The following PDE4DIP variants were observed in gnomAD, a reference collection of about 807,000 sequenced individuals.
PDE4DIP encodes myomegalin.
Under a neutral mutation model 221.4 loss-of-function variants are expected in PDE4DIP, and 59 were observed. The observed-to-expected ratio is 0.27, with a 90% CI of 0.22 to 0.33. The LOEUF is 0.33. Ranked by LOEUF, PDE4DIP falls within the 10% of genes least tolerant of loss-of-function variation. The pLI is 1.00. For missense variants in PDE4DIP, 1,036 were observed against 2,154.2 expected (o/e 0.48, Z 10.28); for synonymous variants, 404 against 815.9 (o/e 0.50, Z 8.60).
chr1:148,822,623 G>A (rs1407354838), intron 1 of PDE4DIP, among the ~76,000 whole-genome samples: 1 of 148,086 alleles, frequency 6.8e-6, no homozygotes, highest in Non-Finnish European at 1.5e-5. Flanking sequence ...ACCTCTTCAT[G>A]AAGTTGCCTG....
chr1:148,967,574 A>G, intron 12 of PDE4DIP, 152 bp from the exon 16 acceptor site: 1 of 596,168 alleles, frequency 1.7e-6, no homozygotes, highest in Non-Finnish European at 2.9e-6. Flanking sequence ...CCAAAAAAAT[A>G]GATTAGTATG....
intron 21 of PDE4DIP, chr1:148,991,670 T>C (rs1350143934): frequency 3.2e-6 from 1 of 308,154 alleles, no homozygotes; most frequent in Admixed American, 6.5e-5. Context: ...TCAGCTTATG[T>C]TGTGAGGCTC....
chr1:149,015,838 C>T (rs587617083), intron 32 of PDE4DIP, among the ~76,000 whole-genome samples: 22 of 152,294 alleles, frequency 1.4e-4, no homozygotes, highest in African/African-American at 2.6e-4. Flanking sequence ...AAAACTCCAA[C>T]GTGGAACGGA....
chr1:149,029,347 G>A lies in PDE4DIP; in HGVS notation c.6814-440G>A, dbSNP rs74770064. Among the ~76,000 whole-genome samples, 12 of 152,318 alleles carry A rather than the reference G, an allele frequency of 7.9e-5. No homozygotes were observed. In the East Asian group the frequency reaches 2.3e-3, roughly 29 times the overall value. On this transcript the variant is annotated intron_variant, in intron 41 of 43. Transcript: ENST00000369354. ...CAACTATGCTAATTCCAGGGAGAGGGTGTTTTGCCATCTTCATGTTGGCAC... is the reference window on the plus strand; with the variant it reads ...CAACTATGCTAATTCCAGGGAGAGGATGTTTTGCCATCTTCATGTTGGCAC...
chr1:149,029,720 G>T, intron 41 of PDE4DIP, 67 bp from the exon 45 acceptor site: 1 of 783,042 alleles, frequency 1.3e-6, no homozygotes, highest in South Asian at 1.5e-5. Context: ...GAATTGGAAA[G>T]AGCCACAAAG....
chr1:149,029,805 G>T lies in PDE4DIP; in HGVS notation c.6832G>T (p.Glu2278Ter). 6.3e-7 allele frequency: 1 copy of T among 1,581,056 alleles called. No homozygotes were observed. The highest frequency in any genetic ancestry group is 8.7e-7 in the Non-Finnish European group (1 of 1,154,916). ...TATCCAGGGAGAATCAACAGAAAGGGAACTTCTGGAACTGAGAACCAAAGT... is the reference window on the plus strand; with the variant it reads ...TATCCAGGGAGAATCAACAGAAAGGTAACTTCTGGAACTGAGAACCAAAGT... Residue 2278 changes from glutamate (E) to a stop codon, truncating the protein, a stop_gained, in exon 42 of 44, where the codon GAA becomes TAA. Coordinates refer to ENST00000369354, the Ensembl canonical transcript of PDE4DIP. LOFTEE classifies it high-confidence loss of function.
chr1:148,986,752 G>C (rs1245483847), intron 21 of PDE4DIP, among the ~76,000 whole-genome samples: 1 of 152,178 alleles, frequency 6.6e-6, no homozygotes, highest in Non-Finnish European at 1.5e-5. Flanking sequence ...TGCTGTAGGA[G>C]AATAGCAGAA....
At chr1:148,933,795 T>G (rs1278859816) in intron 4 of PDE4DIP, among the ~76,000 whole-genome samples, 5 of 152,066 alleles carry the variant, frequency 3.3e-5, no homozygotes, top group African/African-American at 1.2e-4. Flanking sequence ...AAGCCTTTTA[T>G]GATGTAACCT....
At chr1:149,024,342 A>C in intron 37 of PDE4DIP, 103 bp from the exon 41 acceptor site, 1 of 795,382 alleles carries the variant, frequency 1.3e-6, no homozygotes, top group African/African-American at 1.7e-5. Flanking sequence ...CATGAGACTC[A>C]GATGATAGTG....
rs587613541 is a variant in PDE4DIP, at chr1:148,998,395, G to A, written c.3137+20G>A. Reference sequence around the variant, plus strand: ...CATCAGGTAGGACATTCTTCCCAGGGAAGGGGAGCTTGCAGGTCATGAGGC... The same window carrying A: ...CATCAGGTAGGACATTCTTCCCAGGAAAGGGGAGCTTGCAGGTCATGAGGC... On this transcript the variant is annotated intron_variant, in intron 23 of 43. Coordinates refer to ENST00000369354, the Ensembl canonical transcript of PDE4DIP. 1.3e-6 allele frequency: 2 copies of A among 1,497,240 alleles called. No homozygotes were observed. Among genetic ancestry groups the A allele is most frequent in the South Asian group, 1.1e-5 (1 of 87,034 alleles). 92.7% of individuals were successfully genotyped at this position (1,497,240 alleles called of 1,614,324 possible). A position where few individuals can be genotyped will look rare whatever the true frequency, so the allele number is the denominator to read the frequency against.
At chr1:149,032,588 G>A (rs1353217437) in exon 44 of PDE4DIP, 10 of 243,312 alleles carry the variant, frequency 4.1e-5, no homozygotes, top group Non-Finnish European at 6.5e-5. Flanking sequence ...CATCATGAAT[G>A]TGGTGACTTC....
At chr1:148,927,326 C>G (rs2046941997) in intron 1 of PDE4DIP, among the ~76,000 whole-genome samples, 1 of 151,978 alleles carries the variant, frequency 6.6e-6, no homozygotes, top group Non-Finnish European at 1.5e-5. Context: ...GGGGAACAAA[C>G]ATTCTTCTCA....
chr1:148,919,564 T>C (rs1301807112), intron 1 of PDE4DIP, among the ~76,000 whole-genome samples: 1 of 151,850 alleles, frequency 6.6e-6, no homozygotes, highest in Non-Finnish European at 1.5e-5. Context: ...CTCCCTGTTT[T>C]ATAGAGTTAT....
At chr1:149,032,856 G>A (rs2077020607) in exon 44 of PDE4DIP, 1 of 207,788 alleles carries the variant, frequency 4.8e-6, no homozygotes, top group Non-Finnish European at 9.8e-6. Flanking sequence ...GGTAGAATGT[G>A]TTTGTGTGTA....
upstream of PDE4DIP, among the ~76,000 whole-genome samples, chr1:148,885,191 AG>A (rs1288424376): frequency 6.9e-6 from 1 of 144,924 alleles, no homozygotes; most frequent in East Asian, 2.2e-4. Context: ...AATGTATTTT[AG>A]AAGGTGATAG....
intron 14 of PDE4DIP, among the ~76,000 whole-genome samples, chr1:148,970,648 A>G (rs1553525320): frequency 6.6e-6 from 1 of 152,168 alleles, no homozygotes; most frequent in African/African-American, 2.4e-5. Flanking sequence ...ACAAGTTTCC[A>G]GGTGATAGTG....
chr1:148,915,939 T>C (rs1215801939), intron 1 of PDE4DIP, among the ~76,000 whole-genome samples: 3 of 146,010 alleles, frequency 2.1e-5, no homozygotes, highest in East Asian at 2.1e-4. Flanking sequence ...GTCATTTTGG[T>C]ATTTTGTTGG....
intron 1 of PDE4DIP, among the ~76,000 whole-genome samples, chr1:148,903,081 T>G (rs2041048549): frequency 6.6e-6 from 1 of 152,108 alleles, no homozygotes; most frequent in African/African-American, 2.4e-5. Flanking sequence ...ATTTTTTTAT[T>G]TTTTTGATTA....
intron 34 of PDE4DIP, among the ~76,000 whole-genome samples, 186 bp downstream of exon 37, chr1:149,018,065 CG>C (rs1553613755): frequency 6.6e-6 from 1 of 152,182 alleles, no homozygotes; most frequent in African/African-American, 2.4e-5. Context: ...GGCAGAACTA[CG>C]TCTGATGCCC....
Sources: allele counts gnomAD v4.1 joint callset (sites outside exome capture counted in the v4.1 genomes callset), GRCh38; gene constraint gnomAD v4.1.1; transcripts MANE v1.5; gene names NCBI Gene and HGNC (gene_info 2026-07-23, HGNC 2026-07-21).